C1orf21: variants seen among roughly 807,000 people sequenced by gnomAD.
C1orf21 encodes the protein uncharacterized protein C1orf21.
In C1orf21, 3 loss-of-function variants were observed where a neutral mutation model predicts 18.7. The ratio of observed to expected loss-of-function variants is 0.16; its 90% confidence interval spans 0.07 to 0.42. The LOEUF is 0.42. Among genes scored for constraint, C1orf21 ranks in the 10% least tolerant of loss-of-function variants. The pLI, the probability that C1orf21 is intolerant of heterozygous loss-of-function variation, is 0.99. For synonymous variants in C1orf21, 41 were observed against 46.4 expected (o/e 0.88, Z 0.47); for missense variants, 104 against 143.6 (o/e 0.72, Z 1.41).
intron 3 of C1orf21, among the ~76,000 whole-genome samples, chr1:184,570,827 C>T (rs1158208517): frequency 2.0e-5 from 3 of 150,864 alleles, no homozygotes; most frequent in Non-Finnish European, 2.9e-5. Flanking sequence ...TGATTTTTGT[C>T]GTCATGTGAA....
intron 1 of C1orf21, among the ~76,000 whole-genome samples, chr1:184,448,677 A>G (rs577384220): frequency 1.3e-5 from 2 of 152,222 alleles, no homozygotes; most frequent in Admixed American, 6.5e-5. Flanking sequence ...TGTAGGCACT[A>G]CCTCAAGCTC....
At chr1:184,601,163 T>C (rs966553092) in intron 5 of C1orf21, among the ~76,000 whole-genome samples, 3 of 152,226 alleles carry the variant, frequency 2.0e-5, no homozygotes, top group Non-Finnish European at 1.5e-5. Context: ...TGAGTCATGC[T>C]GAGAGACCTT....
intron 3 of C1orf21, among the ~76,000 whole-genome samples, chr1:184,561,728 C>CTACTTGATGGG (rs1658968313): frequency 6.6e-6 from 1 of 152,132 alleles, no homozygotes; most frequent in Admixed American, 6.5e-5. Flanking sequence ...AGTAATTCTC[C>CTACTTGATGGG]TGCCTCAGCC....
intron 2 of C1orf21, among the ~76,000 whole-genome samples, chr1:184,503,502 G>T (rs1001583825): frequency 1.3e-5 from 2 of 152,072 alleles, no homozygotes; most frequent in Non-Finnish European, 2.9e-5. Flanking sequence ...GCTGTCCTCC[G>T]TCCCCTCTCC....
At chr1:184,520,561 T>C (rs1428219061) in intron 3 of C1orf21, among the ~76,000 whole-genome samples, 3 of 152,148 alleles carry the variant, frequency 2.0e-5, no homozygotes, top group Admixed American at 6.6e-5. Flanking sequence ...ATTCTAATGA[T>C]TCACAGCGAT....
intron 4 of C1orf21, among the ~76,000 whole-genome samples, chr1:184,596,560 A>G (rs1659516445): frequency 6.6e-6 from 1 of 152,136 alleles, no homozygotes; most frequent in African/African-American, 2.4e-5. Context: ...TTATCTATCC[A>G]GTTACCTATA....
intron 1 of C1orf21, among the ~76,000 whole-genome samples, chr1:184,391,192 G>T (rs563438243): frequency 2.6e-4 from 39 of 152,258 alleles, no homozygotes; most frequent in African/African-American, 8.4e-4. Flanking sequence ...GGTAAACTGG[G>T]CTAGGATAAA....
At chr1:184,478,612 T>C (rs1463052930) in intron 2 of C1orf21, among the ~76,000 whole-genome samples, 1 of 152,192 alleles carries the variant, frequency 6.6e-6, no homozygotes, top group African/African-American at 2.4e-5. Context: ...CCCCGGTGCA[T>C]GCACACCGAG....
In C1orf21 at chr1:184,595,149, G is replaced by A. The variant is rs1292819799; in HGVS notation, c.267-3252G>A. ...TGTTTTAGTTACGAGAGAGAAATAG[G>A]AATTACTAAAATTATTGAGCCTTAT... On this transcript the variant is annotated intron_variant, in intron 4 of 5. Transcript: ENST00000235307. Among the ~76,000 whole-genome samples the A allele has an allele frequency of 2.6e-5, 4 of 152,116 alleles. No homozygotes were observed. In the South Asian group the frequency reaches 8.3e-4, roughly 32 times the overall value.
intron 5 of C1orf21, among the ~76,000 whole-genome samples, chr1:184,617,239 AAAC>A (rs966707466): frequency 2.6e-5 from 4 of 152,136 alleles, no homozygotes; most frequent in African/African-American, 9.7e-5. Context: ...GTGCGCTGTC[AAAC>A]AACAGTGTAT....
rs12564357 is a variant in C1orf21, at chr1:184,476,711, G to A, written c.-124-675G>A. Among the ~76,000 whole-genome samples the A allele has an allele frequency of 3.1e-3, 470 of 152,240 alleles. 12 individuals are homozygous for A. Among genetic ancestry groups the A allele is most frequent in the Admixed American group, 0.028 (426 of 15,282 alleles). ...TTGTTGCTTTTCTTCATATTTTGAC[G>A]TCTTCTGCCCAATCCTTAAAACATT... On this transcript the variant is annotated intron_variant, in intron 1 of 5. Coordinates refer to ENST00000235307, the MANE Select transcript of C1orf21 (RefSeq NM_030806.4).
chr1:184,563,232 G>A (rs775888183), intron 3 of C1orf21, among the ~76,000 whole-genome samples: 1 of 152,188 alleles, frequency 6.6e-6, no homozygotes, highest in Non-Finnish European at 1.5e-5. Flanking sequence ...TAACACCTAT[G>A]TTGTGTTATC....
At chr1:184,422,952 C>T (rs1008225379) in intron 1 of C1orf21, among the ~76,000 whole-genome samples, 14 of 152,300 alleles carry the variant, frequency 9.2e-5, no homozygotes, top group South Asian at 2.1e-4. Context: ...GTGGTTCATA[C>T]GCAAGACGTT....
In C1orf21 at chr1:184,625,015, C is replaced by G. The variant is rs1659984932; in HGVS notation, c.*5459C>G. 1 of 152,198 alleles carries G rather than the reference C, an allele frequency of 6.6e-6. No individual in the cohort carries two copies. Among genetic ancestry groups the G allele is most frequent in the Non-Finnish European group, 1.5e-5 (1 of 68,034 alleles). The allele number at this position is 152,198 out of a possible 1,614,324, so 9.4% of individuals were successfully genotyped here. A position where few individuals can be genotyped will look rare whatever the true frequency, so the allele number is the denominator to read the frequency against. On this transcript the variant is annotated 3_prime_UTR_variant, in exon 6 of 6. Coordinates refer to ENST00000235307, the MANE Select transcript of C1orf21 (RefSeq NM_030806.4). ...CCCCAAGATCCTGCTTCTTTCTAAC[C>G]TGGCAGCTGTCATGTCCCTTCAAGA...
intron 3 of C1orf21, among the ~76,000 whole-genome samples, chr1:184,552,128 C>A (rs1658822035): frequency 1.3e-5 from 2 of 151,900 alleles, no homozygotes; most frequent in Admixed American, 1.3e-4. Flanking sequence ...TGTTGCAATA[C>A]CATAGTAACT....
intron 3 of C1orf21, among the ~76,000 whole-genome samples, chr1:184,552,946 G>A (rs1658831959): frequency 6.6e-6 from 1 of 152,184 alleles, no homozygotes; most frequent in South Asian, 2.1e-4. Flanking sequence ...GAAGAGACAT[G>A]TCTGCTCAAC....
At chr1:184,419,800 T>A (rs1165080470) in intron 1 of C1orf21, among the ~76,000 whole-genome samples, 1 of 151,512 alleles carries the variant, frequency 6.6e-6, no homozygotes, top group Non-Finnish European at 1.5e-5. Context: ...GCAGAGAGAG[T>A]CACTGGGCAT....
At chr1:184,533,750 G>A (rs933987594) in intron 3 of C1orf21, among the ~76,000 whole-genome samples, 2 of 152,204 alleles carry the variant, frequency 1.3e-5, no homozygotes, top group African/African-American at 4.8e-5. Flanking sequence ...TGTCCTTCAG[G>A]AAAGGGTGAA....
chr1:184,576,172 T>A (rs557205345), intron 3 of C1orf21, among the ~76,000 whole-genome samples: 1 of 152,142 alleles, frequency 6.6e-6, no homozygotes, highest in African/African-American at 2.4e-5. Context: ...TCACCCAGGC[T>A]GGAGTGCAGT....
Sources: allele counts gnomAD v4.1 joint callset (sites outside exome capture counted in the v4.1 genomes callset), GRCh38; gene constraint gnomAD v4.1.1; transcripts MANE v1.5; gene names NCBI Gene and HGNC (gene_info 2026-07-23, HGNC 2026-07-21).